The following SCARA5 variants were observed in gnomAD, a reference collection of about 807,000 sequenced individuals.
SCARA5 encodes scavenger receptor class A member 5.
SCARA5 carries 45 observed loss-of-function variants against 46.3 expected under a neutral mutation model. The observed-to-expected ratio is 0.97, with a 90% CI of 0.76 to 1.24. The LOEUF is 1.24. Ranked by LOEUF, SCARA5 falls within the 50% of genes most tolerant of loss-of-function variation. The probability of loss-of-function intolerance (pLI) is 0.00; values close to 1 mark genes in which losing one functional copy is unlikely to be tolerated. For synonymous variants in SCARA5, 333 were observed against 306.5 expected (o/e 1.09, Z -0.90); for missense variants, 680 against 689.0 (o/e 0.99, Z 0.15).
chr8:27,982,463 TCA>T (rs1808637914), intron 2 of SCARA5, among the ~76,000 whole-genome samples: 1 of 152,070 alleles, frequency 6.6e-6, no homozygotes, highest in Non-Finnish European at 1.5e-5. Context: ...TGAGCATCCA[TCA>T]GAGGCCGCTA....
chr8:27,920,772 C>A (rs1378158730), intron 4 of SCARA5, among the ~76,000 whole-genome samples: 4 of 151,972 alleles, frequency 2.6e-5, no homozygotes, highest in Non-Finnish European at 5.9e-5. Flanking sequence ...ATCACTGCCC[C>A]CCAGCCTGGG....
At chr8:27,884,524 G>T (rs1318821801) in intron 7 of SCARA5, among the ~76,000 whole-genome samples, 1 of 152,220 alleles carries the variant, frequency 6.6e-6, no homozygotes, top group Non-Finnish European at 1.5e-5. Context: ...CCACAGTGTG[G>T]GGTCAGCAAG....
intron 2 of SCARA5, among the ~76,000 whole-genome samples, chr8:27,969,760 C>T (rs1169118449): frequency 2.0e-5 from 3 of 151,970 alleles, no homozygotes; most frequent in African/African-American, 4.8e-5. Flanking sequence ...GGGTGGCAGG[C>T]GGGGTATATG....
intron 2 of SCARA5, among the ~76,000 whole-genome samples, chr8:27,967,575 C>A (rs904034804): frequency 3.3e-5 from 5 of 152,146 alleles, no homozygotes; most frequent in Non-Finnish European, 7.3e-5. Context: ...TTCCTTACCC[C>A]CTGTGGGTAA....
At chr8:27,965,183 G>C (rs750093657) in intron 3 of SCARA5, among the ~76,000 whole-genome samples, 2 of 152,206 alleles carry the variant, frequency 1.3e-5, no homozygotes, top group Non-Finnish European at 2.9e-5. Context: ...TGAAGGCTCA[G>C]GCAGCATTGA....
chr8:27,949,577 G>A (rs942571499), intron 3 of SCARA5, among the ~76,000 whole-genome samples: 1 of 152,220 alleles, frequency 6.6e-6, no homozygotes, highest in Non-Finnish European at 1.5e-5. Context: ...CAGGAATCAG[G>A]CCACTGTTGC....
intron 7 of SCARA5, among the ~76,000 whole-genome samples, chr8:27,899,316 G>T (rs1303262893): frequency 1.3e-5 from 2 of 152,178 alleles, no homozygotes; most frequent in Non-Finnish European, 2.9e-5. Context: ...TGCACAGTTG[G>T]GGTCACCAGT....
chr8:27,888,568 C>A (rs528108484), intron 7 of SCARA5, among the ~76,000 whole-genome samples: 1 of 152,288 alleles, frequency 6.6e-6, no homozygotes, highest in African/African-American at 2.4e-5. Context: ...GTAAGCCATC[C>A]AGGAGGTTGA....
chr8:27,875,524 C>T (rs944701599), intron 8 of SCARA5, among the ~76,000 whole-genome samples: 1 of 152,066 alleles, frequency 6.6e-6, no homozygotes, highest in South Asian at 2.1e-4. Context: ...AGTAGGAATT[C>T]CCTAGCTGAA....
intron 3 of SCARA5, among the ~76,000 whole-genome samples, chr8:27,927,020 A>T (rs1807690440): frequency 2.6e-5 from 4 of 152,180 alleles, no homozygotes; most frequent in Admixed American, 2.6e-4. Context: ...ACCTTGAGTG[A>T]CTAAGAGTAA....
intron 2 of SCARA5, among the ~76,000 whole-genome samples, chr8:27,982,922 A>G (rs1465507987): frequency 6.6e-6 from 1 of 152,204 alleles, no homozygotes; most frequent in Non-Finnish European, 1.5e-5. Flanking sequence ...AGAGAAAAAA[A>G]CAGCAGGTCC....
rs1322666972 is a variant in SCARA5 at position 27,879,656 on chromosome 8, A to T, written c.1264T>A (p.Trp422Arg). ...RRWGTVCDDG[W>R]DKKDGDVVCR... ...ACCACGTCTCCGTCCTTCTTGTCCCAGCCGTCGTCACACACGGTGCCCCAA... is the reference window on the plus strand; with the variant it reads ...ACCACGTCTCCGTCCTTCTTGTCCCTGCCGTCGTCACACACGGTGCCCCAA... Residue 422 changes from tryptophan to arginine, a missense_variant, in exon 8 of 9, where the codon TGG becomes AGG. By Grantham distance (101) the Trp-to-Arg change is moderately radical. Coordinates refer to ENST00000354914, the MANE Select transcript of SCARA5 (RefSeq NM_173833.6). The T allele has an allele frequency of 1.9e-6, 3 of 1,612,822 alleles. No individual in the cohort carries two copies. The highest frequency in any genetic ancestry group is 2.5e-6 in the Non-Finnish European group (3 of 1,180,032).
intron 3 of SCARA5, among the ~76,000 whole-genome samples, chr8:27,935,245 G>C (rs1807835856): frequency 6.6e-6 from 1 of 152,174 alleles, no homozygotes; most frequent in Non-Finnish European, 1.5e-5. Flanking sequence ...AACTAAAACA[G>C]GTATCCAAAG....
intron 3 of SCARA5, among the ~76,000 whole-genome samples, chr8:27,925,973 A>G (rs998762375): frequency 6.6e-6 from 1 of 152,222 alleles, no homozygotes; most frequent in Admixed American, 6.5e-5. Context: ...GGATGTGGAG[A>G]AATAAGAATG....
At chr8:27,938,702 C>T (rs935448533) in intron 3 of SCARA5, among the ~76,000 whole-genome samples, 1 of 152,086 alleles carries the variant, frequency 6.6e-6, no homozygotes, top group Non-Finnish European at 1.5e-5. Context: ...CCAGAGTTGA[C>T]CTTATCTCCA....
intron 4 of SCARA5, among the ~76,000 whole-genome samples, chr8:27,912,379 C>A (rs1807392301): frequency 6.6e-6 from 1 of 152,054 alleles, no homozygotes; most frequent in African/African-American, 2.4e-5. Flanking sequence ...GGCACGCACG[C>A]AGGGAAAAAA....
At chr8:27,949,049 C>G (rs1424759433) in intron 3 of SCARA5, among the ~76,000 whole-genome samples, 1 of 152,278 alleles carries the variant, frequency 6.6e-6, no homozygotes, top group Non-Finnish European at 1.5e-5. Flanking sequence ...CTCCTTGTCC[C>G]TCACTTCGGG....
intron 7 of SCARA5, among the ~76,000 whole-genome samples, chr8:27,902,540 C>T (rs1034363681): frequency 6.6e-6 from 1 of 152,200 alleles, no homozygotes; most frequent in Non-Finnish European, 1.5e-5. Context: ...GAAAGAAGAG[C>T]CACCAGAGAA....
intron 2 of SCARA5, among the ~76,000 whole-genome samples, chr8:27,987,174 G>A (rs1381661652): frequency 4.6e-5 from 7 of 152,202 alleles, no homozygotes; most frequent in Admixed American, 4.6e-4. Context: ...CTGGCTCAGA[G>A]GCCCTTGCCT....
Sources: gnomAD v4.1 joint callset for allele counts (sites outside exome capture counted in the v4.1 genomes callset) on GRCh38, gnomAD v4.1.1 for gene constraint, MANE v1.5 for transcripts, NCBI Gene and HGNC (gene_info 2026-07-23, HGNC 2026-07-21) for gene names.